MARCHF1: variants seen among roughly 807,000 people sequenced by gnomAD.
The protein encoded by MARCHF1 is membrane associated ring-CH-type finger 1.
MARCHF1 carries 40 observed loss-of-function variants against 54.2 expected under a neutral mutation model. The observed-to-expected ratio is 0.74, with a 90% CI of 0.57 to 0.96. The LOEUF is 0.96. Among genes scored for constraint, MARCHF1 ranks in the 40% least tolerant of loss-of-function variants. MARCHF1 has a pLI of 0.00. For missense variants in MARCHF1, 586 were observed against 656.5 expected (o/e 0.89, Z 1.17); for synonymous variants, 236 against 236.3 (o/e 1.00, Z 0.01).
In MARCHF1 at chr4:163,719,452, C is replaced by T. The variant is rs539055056; in HGVS notation, c.112-18589G>A. Among the ~76,000 whole-genome samples, 6 of 152,212 alleles carry T rather than the reference C, an allele frequency of 3.9e-5. No individual in the cohort carries two copies. In the East Asian group the frequency reaches 1.2e-3, roughly 29 times the overall value. ...TCATTGTTGGACATTTGGGTTGGTTCCAAGTCTTTGCTATTGTGAATACTG... is the reference window on the plus strand; with the variant it reads ...TCATTGTTGGACATTTGGGTTGGTTTCAAGTCTTTGCTATTGTGAATACTG... On this transcript the variant is annotated intron_variant, in intron 4 of 9. Transcript: ENST00000514618.
rs1475057617 is a variant in MARCHF1, at chr4:163,660,320, G to T, written c.162+40493C>A. 2.6e-5 allele frequency among the ~76,000 whole-genome samples: 4 copies of T among 151,906 alleles called. No individual in the cohort carries two copies. In the East Asian group the frequency reaches 7.8e-4, roughly 30 times the overall value. ...ACACAGGAACAGAAAACCAAACACT[G>T]CATGTTCTCATTCATAAGTGGGAGT... On this transcript the variant is annotated intron_variant, in intron 5 of 9. Transcript: ENST00000514618.
At position 164,023,116 on chromosome 4, in the gene MARCHF1, G is replaced by A. The variant is rs558303066; in HGVS notation, c.-247-34407C>T. Among the ~76,000 whole-genome samples the A allele has an allele frequency of 3.3e-5, 5 of 152,320 alleles. No homozygotes were observed. In the South Asian group the frequency reaches 8.3e-4, roughly 25 times the overall value. ...CCGCTCTCAGAGCACAGAGAGGGGT[G>A]AGGCACATGGGTTCACTGGCCAGCA... On this transcript the variant is annotated intron_variant, in intron 2 of 9. Coordinates refer to ENST00000514618, the MANE Select transcript of MARCHF1 (RefSeq NM_001394959.1).
At chr4:163,534,961 GA>G (rs1738479101) in intron 9 of MARCHF1, among the ~76,000 whole-genome samples, 1 of 151,994 alleles carries the variant, frequency 6.6e-6, no homozygotes, top group Non-Finnish European at 1.5e-5. Context: ...ATACAATTAT[GA>G]GATGAATTGC....
intron 1 of MARCHF1, among the ~76,000 whole-genome samples, chr4:164,234,413 C>T (rs1489379509): frequency 6.6e-6 from 1 of 152,046 alleles, no homozygotes; most frequent in Admixed American, 6.6e-5. Context: ...TAAAATAAGA[C>T]ATGGCCATAA....
chr4:164,365,810 CT>C (rs1239083852), intron 1 of MARCHF1, among the ~76,000 whole-genome samples: 1 of 151,902 alleles, frequency 6.6e-6, no homozygotes. Flanking sequence ...TAGGGAAAAC[CT>C]TTCTATATAA....
chr4:163,937,141 G>A (rs1396297559), intron 3 of MARCHF1, among the ~76,000 whole-genome samples: 1 of 151,934 alleles, frequency 6.6e-6, no homozygotes, highest in Non-Finnish European at 1.5e-5. Flanking sequence ...AGTCCCACTG[G>A]AATACTCTGC....
At chr4:163,564,556 A>C (rs1224549799) in intron 8 of MARCHF1, among the ~76,000 whole-genome samples, 1 of 152,198 alleles carries the variant, frequency 6.6e-6, no homozygotes, top group Non-Finnish European at 1.5e-5. Context: ...TTATGTAATC[A>C]GTTTCTGAAC....
intron 4 of MARCHF1, among the ~76,000 whole-genome samples, chr4:163,738,196 G>A (rs1746102229): frequency 6.6e-6 from 1 of 152,100 alleles, no homozygotes; most frequent in African/African-American, 2.4e-5. Context: ...AATTAGTGTG[G>A]GCAACAGAAA....
intron 3 of MARCHF1, among the ~76,000 whole-genome samples, chr4:163,946,453 C>A (rs140906526): frequency 3.3e-5 from 5 of 152,130 alleles, no homozygotes; most frequent in Admixed American, 3.3e-4. Context: ...AAATTTTATA[C>A]CTTGGTCTAT....
At chr4:164,079,325 T>C (rs939245514) in intron 2 of MARCHF1, among the ~76,000 whole-genome samples, 7 of 152,160 alleles carry the variant, frequency 4.6e-5, no homozygotes, top group African/African-American at 1.7e-4. Flanking sequence ...AATGAAAAAG[T>C]TTGTATTTTT....
intron 7 of MARCHF1, among the ~76,000 whole-genome samples, chr4:163,608,372 C>T (rs577308445): frequency 1.6e-4 from 25 of 151,996 alleles, no homozygotes; most frequent in African/African-American, 5.8e-4. Flanking sequence ...GGAAACAGAC[C>T]AGCATGAAAA....
chr4:164,038,148 G>A (rs767227629), intron 2 of MARCHF1, among the ~76,000 whole-genome samples: 19 of 152,178 alleles, frequency 1.2e-4, no homozygotes, highest in African/African-American at 3.6e-4. Context: ...CACTCTGTAC[G>A]TTTTCTTACA....
At chr4:164,108,187 T>C (rs1755749880) in intron 2 of MARCHF1, among the ~76,000 whole-genome samples, 1 of 152,172 alleles carries the variant, frequency 6.6e-6, no homozygotes. Context: ...AGCAACTTTA[T>C]CTCCTTAGCA....
intron 2 of MARCHF1, among the ~76,000 whole-genome samples, chr4:164,002,350 A>T (rs1753201685): frequency 6.6e-6 from 1 of 151,886 alleles, no homozygotes; most frequent in Middle Eastern, 3.4e-3. Flanking sequence ...AAAAATCGAT[A>T]TAAGTAAAAA....
intron 7 of MARCHF1, among the ~76,000 whole-genome samples, chr4:163,605,802 A>G (rs1176455707): frequency 6.6e-6 from 1 of 152,150 alleles, no homozygotes; most frequent in Admixed American, 6.5e-5. Flanking sequence ...AAACTAACAC[A>G]GGAACAGAAA....
At chr4:163,977,452 C>T (rs926329087) in intron 3 of MARCHF1, among the ~76,000 whole-genome samples, 8 of 152,128 alleles carry the variant, frequency 5.3e-5, no homozygotes, top group African/African-American at 2.4e-5. Flanking sequence ...GTTAACCAGT[C>T]CATATACATA....
chr4:164,083,374 G>A (rs1440693860), intron 2 of MARCHF1, among the ~76,000 whole-genome samples: 1 of 151,930 alleles, frequency 6.6e-6, no homozygotes, highest in Non-Finnish European at 1.5e-5. Flanking sequence ...ATATATGGAT[G>A]ACTTATCTTG....
In MARCHF1 at chr4:163,737,851, C is replaced by T. The variant is rs559437363; in HGVS notation, c.112-36988G>A. Among the ~76,000 whole-genome samples, 214 of 121,494 alleles carry T rather than the reference C, an allele frequency of 1.8e-3. 16 individuals carry two copies. Among genetic ancestry groups the T allele is most frequent in the African/African-American group, 5.4e-3 (209 of 38,350 alleles). The allele number at this position is 121,494 out of a possible 152,430, so 79.7% of individuals were successfully genotyped here. A position where few individuals can be genotyped will look rare whatever the true frequency, so the allele number is the denominator to read the frequency against. Reference sequence around the variant, plus strand: ...TCAACCATTGTGGAAGTCAGTGTGGCGATTCCTCAGGGATCTAGAACTAGA... The same window carrying T: ...TCAACCATTGTGGAAGTCAGTGTGGTGATTCCTCAGGGATCTAGAACTAGA... On this transcript the variant is annotated intron_variant, in intron 4 of 9. Transcript: ENST00000514618.
intron 1 of MARCHF1, among the ~76,000 whole-genome samples, chr4:164,303,507 G>A (rs76392330): frequency 0.015 from 2,333 of 152,200 alleles, 59 homozygotes; most frequent in African/African-American, 0.053. Flanking sequence ...TCCTTTCACA[G>A]GATTAAATAA....
Sources: allele counts gnomAD v4.1 joint callset (sites outside exome capture counted in the v4.1 genomes callset), GRCh38; gene constraint gnomAD v4.1.1; transcripts MANE v1.5; gene names NCBI Gene and HGNC (gene_info 2026-07-23, HGNC 2026-07-21).